Variants in HCK observed in about 807,000 individuals in gnomAD.
HCK encodes the protein tyrosine-protein kinase HCK.
A neutral mutation model predicts 70.4 loss-of-function variants in HCK; 40 were observed. That is an observed-to-expected ratio of 0.57 (90% CI 0.44 to 0.74). The LOEUF (loss-of-function observed/expected upper bound fraction) is 0.74, where lower values mean the gene tolerates loss of function less well. HCK is among the 30% of genes least tolerant of loss of function. HCK has a pLI of 0.00. For missense variants in HCK, 568 were observed against 697.2 expected (o/e 0.81, Z 2.09); for synonymous variants, 245 against 263.2 (o/e 0.93, Z 0.67).
Position 32,052,470 on chromosome 20 carries a change from G to C in HCK, c.46G>C (p.Glu16Gln), listed in dbSNP as rs922262149. ...CGAGGATCCGGGCTGCCCGCGAGAC[G>C]AGGAGCGGGCGCCCAGGTGAGTGCC... Residue 16 changes from glutamate to glutamine, a missense_variant, in exon 1 of 13, where the codon GAG (glutamate) becomes CAG (glutamine). Physicochemically the swap from Glu to Gln is conservative, Grantham distance 29. Coordinates refer to ENST00000375852, the MANE Select transcript of HCK (RefSeq NM_002110.5). 22 of 1,265,306 alleles carry C rather than the reference G, an allele frequency of 1.7e-5. No homozygotes were observed. Among genetic ancestry groups the C allele is most frequent in the Non-Finnish European group, 2.2e-5 (22 of 996,984 alleles). The allele number at this position is 1,265,306 out of a possible 1,614,324, so 78.4% of individuals were successfully genotyped here.
At position 32,100,193 on chromosome 20, in the gene HCK, C is replaced by T. The variant is rs185598792; in HGVS notation, c.1378+1058C>T. On this transcript the variant is annotated intron_variant, in intron 12 of 12. Coordinates refer to ENST00000375852, the MANE Select transcript of HCK (RefSeq NM_002110.5). ...AAAATGCTGGGATTACAGACACACACCACCATGCCCAGCTAATTCTTTAAA... is the reference window on the plus strand; with the variant it reads ...AAAATGCTGGGATTACAGACACACATCACCATGCCCAGCTAATTCTTTAAA... Among the ~76,000 whole-genome samples, 13 of 152,332 alleles carry T rather than the reference C, an allele frequency of 8.5e-5. 1 individual carries two copies. In the East Asian group the frequency reaches 2.3e-3, roughly 27 times the overall value.
rs999607461 is a variant in HCK, at chr20:32,052,393, A to G, written c.-32A>G. 9.4e-6 allele frequency: 12 copies of G among 1,283,244 alleles called. No individual in the cohort carries two copies. In the African/African-American group the frequency reaches 1.9e-4, roughly 20 times the overall value. 79.5% of individuals were successfully genotyped at this position (1,283,244 alleles called of 1,614,324 possible). ...AGTTCTAGAAAGTCAGTTTCCCGGC[A>G]CTGGCACCCCGGAACCTCAGGGGCT... On this transcript the variant is annotated 5_prime_UTR_variant, in exon 1 of 13. Transcript: ENST00000375852.
chr20:32,057,470 C>T (rs1225745470), intron 1 of HCK, among the ~76,000 whole-genome samples: 1 of 152,080 alleles, frequency 6.6e-6, no homozygotes, highest in African/African-American at 2.4e-5. Flanking sequence ...TGTGGTGGCA[C>T]ATGGCTGTAG....
At chr20:32,058,991 A>G (rs1446000043) in intron 1 of HCK, among the ~76,000 whole-genome samples, 1 of 152,220 alleles carries the variant, frequency 6.6e-6, no homozygotes, top group East Asian at 1.9e-4. Flanking sequence ...CGGCTTGCCA[A>G]GCCCATGGGC....
chr20:32,082,096 T>C (rs1423880163), intron 6 of HCK, among the ~76,000 whole-genome samples: 1 of 152,176 alleles, frequency 6.6e-6, no homozygotes, highest in Non-Finnish European at 1.5e-5. Flanking sequence ...ATCCCAGCTG[T>C]GCCACTTACC....
chr20:32,064,409 C>T (rs536338102), intron 1 of HCK, among the ~76,000 whole-genome samples: 5 of 152,092 alleles, frequency 3.3e-5, no homozygotes, highest in East Asian at 1.9e-4. Flanking sequence ...AGACTAGGGG[C>T]GGAGTAATTC....
At chr20:32,073,858 C>T (rs1278560591) in intron 4 of HCK, 40 bp downstream of exon 4, 1 of 1,197,398 alleles carries the variant, frequency 8.4e-7, no homozygotes, top group Admixed American at 2.0e-5. Flanking sequence ...AGACCTGCCT[C>T]CTCTACTCAA....
chr20:32,070,921 G>A (rs1026135064), intron 1 of HCK, among the ~76,000 whole-genome samples: 2 of 136,630 alleles, frequency 1.5e-5, no homozygotes, highest in African/African-American at 2.7e-5. Flanking sequence ...AGAGGAGGGG[G>A]AAGGAGGAGG....
At chr20:32,077,994 A>G (rs892377416) in intron 5 of HCK, among the ~76,000 whole-genome samples, 1 of 151,874 alleles carries the variant, frequency 6.6e-6, no homozygotes, top group Non-Finnish European at 1.5e-5. Flanking sequence ...ATAACTTCCT[A>G]GGACCAGAAT....
chr20:32,077,222 G>A (rs891184928), intron 5 of HCK, among the ~76,000 whole-genome samples: 17 of 152,168 alleles, frequency 1.1e-4, no homozygotes, highest in Non-Finnish European at 8.8e-5. Flanking sequence ...GAATCAGGGC[G>A]GGATGGAATC....
chr20:32,074,505 C>T (rs759210197), intron 4 of HCK, 118 bp from the exon 5 acceptor site: 1 of 735,674 alleles, frequency 1.4e-6, no homozygotes, highest in Non-Finnish European at 2.5e-6. Context: ...ACAGCCCTGT[C>T]CTTCACCCTA....
At chr20:32,058,758 G>A (rs189806870) in intron 1 of HCK, among the ~76,000 whole-genome samples, 14 of 152,212 alleles carry the variant, frequency 9.2e-5, no homozygotes, top group African/African-American at 3.1e-4. Context: ...CCCTCCTAGG[G>A]GAGTAAGGAA....
rs1261760685 is a variant in HCK at position 32,052,388 on chromosome 20, C to T, written c.-37C>T. Reference sequence around the variant, plus strand: ...CCTCTAGTTCTAGAAAGTCAGTTTCCCGGCACTGGCACCCCGGAACCTCAG... The same window carrying T: ...CCTCTAGTTCTAGAAAGTCAGTTTCTCGGCACTGGCACCCCGGAACCTCAG... On this transcript the variant is annotated 5_prime_UTR_variant, in exon 1 of 13. Coordinates refer to ENST00000375852, the MANE Select transcript of HCK (RefSeq NM_002110.5). 3 of 1,279,970 alleles carry T rather than the reference C, an allele frequency of 2.3e-6. No homozygotes were observed. The highest frequency in any genetic ancestry group is 3.1e-5 in the African/African-American group (2 of 64,610). 79.3% of individuals were successfully genotyped at this position (1,279,970 alleles called of 1,614,324 possible).
chr20:32,054,076 C>A, intron 1 of HCK: 1 of 368,616 alleles, frequency 2.7e-6, no homozygotes, highest in Non-Finnish European at 5.4e-6. Context: ...CCCGAGAATC[C>A]ACCATCCAGA....
chr20:32,093,788 C>T, intron 10 of HCK, 75 bp from the exon 11 acceptor site: 1 of 1,428,636 alleles, frequency 7.0e-7, no homozygotes, highest in East Asian at 2.3e-5. Context: ...TTGAACACCT[C>T]TCTGCTGCTT....
intron 1 of HCK, among the ~76,000 whole-genome samples, chr20:32,066,776 AAATCTAGTACTC>A (rs1216963890): frequency 2.0e-5 from 3 of 152,326 alleles, no homozygotes; most frequent in Non-Finnish European, 4.4e-5. Flanking sequence ...GCTCAGAGAT[AAATCTAGTACTC>A]AATGGTAGTA....
In HCK at chr20:32,101,431, C is replaced by A. The variant is rs752568964; in HGVS notation, c.1493C>A (p.Pro498Gln). 1 of 1,614,176 alleles carries A rather than the reference C, an allele frequency of 6.2e-7. No homozygotes were observed. The highest frequency in any genetic ancestry group is 1.3e-5 in the African/African-American group (1 of 75,048). ...ATGATGCGCTGCTGGAAAAACCGTC[C>A]GGAGGAGCGGCCGACCTTCGAATAC... The change falls in exon 13 of 13, where the codon CCG becomes CAG. Residue 498 changes from proline to glutamine, a missense_variant. Coordinates refer to ENST00000375852, the MANE Select transcript of HCK (RefSeq NM_002110.5).
intron 1 of HCK, among the ~76,000 whole-genome samples, chr20:32,053,271 G>A (rs1214240285): frequency 6.6e-6 from 1 of 152,016 alleles, no homozygotes. Context: ...GCCTTTCTTT[G>A]CCTCTGTTTT....
intron 1 of HCK, among the ~76,000 whole-genome samples, chr20:32,059,873 G>T (rs150069066): frequency 1.3e-3 from 193 of 152,122 alleles, no homozygotes; most frequent in Non-Finnish European, 2.3e-3. Flanking sequence ...GGTGGTAAAA[G>T]GTCATTTTAA....
Sources: allele counts gnomAD v4.1 joint callset (sites outside exome capture counted in the v4.1 genomes callset), GRCh38; gene constraint gnomAD v4.1.1; transcripts MANE v1.5; gene names NCBI Gene and HGNC (gene_info 2026-07-23, HGNC 2026-07-21).